Variants in BAG4 observed in about 807,000 individuals in gnomAD.
The protein encoded by BAG4 is BAG family molecular chaperone regulator 4.
BAG4 carries 28 observed loss-of-function variants against 52.1 expected under a neutral mutation model. The ratio of observed to expected loss-of-function variants is 0.54; its 90% confidence interval spans 0.40 to 0.74. The LOEUF is 0.74. Among genes scored for constraint, BAG4 ranks in the 30% least tolerant of loss-of-function variants. The pLI is 0.00. For missense variants in BAG4, 525 were observed against 572.0 expected (o/e 0.92, Z 0.84); for synonymous variants, 208 against 217.0 (o/e 0.96, Z 0.37).
At position 38,207,783 on chromosome 8, in the gene BAG4, TG is replaced by T; in HGVS notation, c.633+20del. The stretch of plus-strand genomic sequence containing the variant: ...CCTTCACAGGTGAGTTGTTTTCTAT[TG>T]GGAAAAAAATGAATTCAAAGTCTCT... On this transcript the variant is annotated intron_variant, in intron 3 of 4. Coordinates refer to ENST00000287322, the MANE Select transcript of BAG4 (RefSeq NM_004874.4). 6.2e-7 allele frequency: 1 copy of T among 1,611,684 alleles called. No homozygotes were observed. The highest frequency in any genetic ancestry group is 8.5e-7 in the Non-Finnish European group (1 of 1,179,064).
intron 2 of BAG4, among the ~76,000 whole-genome samples, chr8:38,207,300 C>T (rs1055813759): frequency 1.5e-4 from 23 of 151,920 alleles, no homozygotes; most frequent in African/African-American, 5.6e-4. Flanking sequence ...CAGGGTCTCA[C>T]TATGTTGTCC....
chr8:38,200,030 G>A (rs947069470), intron 2 of BAG4, among the ~76,000 whole-genome samples: 5 of 147,458 alleles, frequency 3.4e-5, no homozygotes, highest in African/African-American at 1.3e-4. Context: ...TTTTGAAACA[G>A]AGTCTTGTTC....
At chr8:38,191,425 A>G (rs1283830513) in intron 1 of BAG4, among the ~76,000 whole-genome samples, 2 of 152,206 alleles carry the variant, frequency 1.3e-5, no homozygotes, top group South Asian at 2.1e-4. Context: ...ATCATATTCA[A>G]AGTTTTAGAA....
At chr8:38,200,009 CTT>C (rs58025410) in intron 2 of BAG4, among the ~76,000 whole-genome samples, 114 of 141,268 alleles carry the variant, frequency 8.1e-4, no homozygotes, top group African/African-American at 2.2e-3. Context: ...TTGGTACCCC[CTT>C]TTTTTTTTTT....
At chr8:38,209,934 TG>T in intron 4 of BAG4, 73 bp from the exon 5 acceptor site, 1 of 1,535,956 alleles carries the variant, frequency 6.5e-7, no homozygotes. Flanking sequence ...GTGAAAGATG[TG>T]GGCTAACAAA....
intron 2 of BAG4, among the ~76,000 whole-genome samples, chr8:38,195,067 G>A (rs1490938138): frequency 1.3e-5 from 2 of 151,538 alleles, no homozygotes; most frequent in African/African-American, 4.9e-5. Flanking sequence ...TGTTAGCCAG[G>A]ATGGTCTTGA....
At chr8:38,191,620 C>T (rs567176740) in intron 1 of BAG4, among the ~76,000 whole-genome samples, 1 of 151,976 alleles carries the variant, frequency 6.6e-6, no homozygotes, top group East Asian at 1.9e-4. Context: ...ATTAGCTGGG[C>T]GTGGTGGCAG....
intron 2 of BAG4, among the ~76,000 whole-genome samples, chr8:38,196,793 T>A (rs1266587052): frequency 6.6e-6 from 1 of 151,846 alleles, no homozygotes; most frequent in Non-Finnish European, 1.5e-5. Flanking sequence ...TTAGATTCTT[T>A]GGGCCTGGTG....
chr8:38,182,162 A>C (rs761029148), intron 1 of BAG4, among the ~76,000 whole-genome samples: 2 of 152,192 alleles, frequency 1.3e-5, no homozygotes, highest in African/African-American at 2.4e-5. Flanking sequence ...AAGAGATCCA[A>C]ATGAGTTTGA....
At chr8:38,183,655 T>C (rs188098675) in intron 1 of BAG4, among the ~76,000 whole-genome samples, 224 of 152,316 alleles carry the variant, frequency 1.5e-3, no homozygotes, top group Non-Finnish European at 2.7e-3. Flanking sequence ...TCTTGGCTTC[T>C]GATTCCTTTG....
intron 1 of BAG4, among the ~76,000 whole-genome samples, chr8:38,179,646 A>G (rs1442322959): frequency 1.3e-5 from 2 of 151,788 alleles, no homozygotes; most frequent in African/African-American, 4.8e-5. Flanking sequence ...GGCGCCTGTA[A>G]TCCCAGCTAT....
chr8:38,183,322 C>T (rs1176580305), intron 1 of BAG4, among the ~76,000 whole-genome samples: 1 of 152,124 alleles, frequency 6.6e-6, no homozygotes, highest in Non-Finnish European at 1.5e-5. Context: ...TCTGGGATTA[C>T]AGGCATGAGC....
intron 2 of BAG4, among the ~76,000 whole-genome samples, chr8:38,197,782 C>T (rs1803588003): frequency 6.6e-6 from 1 of 152,166 alleles, no homozygotes; most frequent in African/African-American, 2.4e-5. Context: ...TCTCTGCAAC[C>T]TCCATCTCCT....
In BAG4 at chr8:38,210,596, A is replaced by G. The variant is rs1367223243; in HGVS notation, c.*103A>G. ...AAATGCCTGTTGATGACAAGAAGCAATACATTCCAGCTTTCCTTTGATTTT... is the reference window on the plus strand; with the variant it reads ...AAATGCCTGTTGATGACAAGAAGCAGTACATTCCAGCTTTCCTTTGATTTT... On this transcript the variant is annotated 3_prime_UTR_variant, in exon 5 of 5. Transcript: ENST00000287322. The G allele has an allele frequency of 7.3e-7, 1 of 1,377,380 alleles. No homozygotes were observed. The highest frequency in any genetic ancestry group is 9.7e-7 in the Non-Finnish European group (1 of 1,027,002). 85.3% of individuals were successfully genotyped at this position (1,377,380 alleles called of 1,614,324 possible).
chr8:38,192,890 G>A (rs1233912340), intron 2 of BAG4, 95 bp downstream of exon 2: 12 of 884,360 alleles, frequency 1.4e-5, no homozygotes, highest in Non-Finnish European at 2.0e-5. Flanking sequence ...ATGAGTGTGT[G>A]TTTTTTTTCT....
chr8:38,184,808 C>T (rs1803336701), intron 1 of BAG4, among the ~76,000 whole-genome samples: 1 of 151,650 alleles, frequency 6.6e-6, no homozygotes, highest in South Asian at 2.1e-4. Context: ...GCTGTGCTTG[C>T]GGCCGGGCGC....
At chr8:38,185,578 CAG>C (rs1353499582) in intron 1 of BAG4, among the ~76,000 whole-genome samples, 1 of 151,912 alleles carries the variant, frequency 6.6e-6, no homozygotes, top group South Asian at 2.1e-4. Context: ...TTTTTTTAGA[CAG>C]AGTCTCGCTC....
At chr8:38,194,860 T>G (rs1347189214) in intron 2 of BAG4, among the ~76,000 whole-genome samples, 98 of 148,842 alleles carry the variant, frequency 6.6e-4, no homozygotes, top group Middle Eastern at 7.1e-3. Flanking sequence ...TTTTTTTTTT[T>G]TTGTTTTTTT....
At position 38,210,758 on chromosome 8, in the gene BAG4, G is replaced by C. The variant is rs1295120942; in HGVS notation, c.*265G>C. ...AGACTCACTCCTTAAAAAATTTATG[G>C]ATATCTACAAGCTGCTTCTTACCAG... On this transcript the variant is annotated 3_prime_UTR_variant, in exon 5 of 5. Coordinates refer to ENST00000287322, the MANE Select transcript of BAG4 (RefSeq NM_004874.4). 2 of 301,306 alleles carry C rather than the reference G, an allele frequency of 6.6e-6. No individual in the cohort carries two copies. The highest frequency in any genetic ancestry group is 1.2e-5 in the Non-Finnish European group (2 of 166,890). The allele number at this position is 301,306 out of a possible 1,614,324, so 18.7% of individuals were successfully genotyped here. A position where few individuals can be genotyped will look rare whatever the true frequency, so the allele number is the denominator to read the frequency against.
Sources: gnomAD v4.1 joint callset for allele counts (sites outside exome capture counted in the v4.1 genomes callset) on GRCh38, gnomAD v4.1.1 for gene constraint, MANE v1.5 for transcripts, NCBI Gene and HGNC (gene_info 2026-07-23, HGNC 2026-07-21) for gene names.